AKR1C3: variants seen among roughly 807,000 people sequenced by gnomAD.
The protein encoded by AKR1C3 is aldo-keto reductase family 1 member C3, also known as 3-alpha hydroxysteroid dehydrogenase, type II.
A neutral mutation model predicts 43.6 loss-of-function variants in AKR1C3; 48 were observed. The observed-to-expected ratio is 1.10, with a 90% CI of 0.87 to 1.40. The LOEUF is 1.40. Among genes scored for constraint, AKR1C3 ranks in the 40% most tolerant of loss-of-function variants. AKR1C3 has a pLI of 0.00. For synonymous variants in AKR1C3, 162 were observed against 139.6 expected, an observed-to-expected ratio of 1.16 and a Z score of -1.13; for missense variants, 482 against 391.2, an observed-to-expected ratio of 1.23 and a Z score of -1.96.
chr10:5,055,051 A>G (rs1838231645), intron 1 of AKR1C3, among the ~76,000 whole-genome samples: 1 of 152,246 alleles, frequency 6.6e-6, no homozygotes, highest in Non-Finnish European at 1.5e-5. Context: ...CTATCTGTAT[A>G]CACATTTATT....
chr10:5,103,845 C>A (rs1413488322), intron 7 of AKR1C3, among the ~76,000 whole-genome samples: 1 of 152,068 alleles, frequency 6.6e-6, no homozygotes, highest in Non-Finnish European at 1.5e-5. Flanking sequence ...TATAACCAAG[C>A]AAGTGGATAC....
chr10:5,065,462 G>T (rs1554780701), intron 1 of AKR1C3, among the ~76,000 whole-genome samples: 1 of 152,164 alleles, frequency 6.6e-6, no homozygotes, highest in Non-Finnish European at 1.5e-5. Flanking sequence ...TGGTACTTAG[G>T]AGTTGATTGT....
At chr10:5,065,297 G>A (rs1478345381) in intron 1 of AKR1C3, among the ~76,000 whole-genome samples, 9 of 152,152 alleles carry the variant, frequency 5.9e-5, no homozygotes, top group East Asian at 1.9e-4. Flanking sequence ...ATAAAGACAC[G>A]TGCATGCATA....
chr10:5,083,198 A>G (rs1300888560), intron 1 of AKR1C3, among the ~76,000 whole-genome samples: 1 of 151,856 alleles, frequency 6.6e-6, no homozygotes, highest in Admixed American at 6.6e-5. Flanking sequence ...TTAGCATTAG[A>G]TATATCTCCT....
chr10:5,093,892 T>C (rs1469379287), upstream of AKR1C3: 1 of 152,160 alleles, frequency 6.6e-6, no homozygotes, highest in East Asian at 1.9e-4. Context: ...AATTTTCTGA[T>C]TGAAAATGTA....
intron 1 of AKR1C3, among the ~76,000 whole-genome samples, chr10:5,067,136 G>A (rs1231677526): frequency 1.3e-5 from 2 of 152,130 alleles, no homozygotes; most frequent in Non-Finnish European, 2.9e-5. Flanking sequence ...ATCTAACAAA[G>A]TATAAGTTTA....
intron 8 of AKR1C3, 46 bp from the exon 9 acceptor site, chr10:5,107,414 TA>T (rs782107474): frequency 1.5e-6 from 2 of 1,318,526 alleles, no homozygotes; most frequent in Admixed American, 3.5e-5. Context: ...ACTACTCCCC[TA>T]GTAATGGAGT....
At chr10:5,057,529 G>A (rs916343811) in intron 1 of AKR1C3, among the ~76,000 whole-genome samples, 1 of 152,192 alleles carries the variant, frequency 6.6e-6, no homozygotes, top group Admixed American at 6.5e-5. Context: ...TGGGTGACGG[G>A]AGTATAATTT....
chr10:5,077,111 C>T lies in AKR1C3; in HGVS notation c.85-19299C>T, dbSNP rs185124463. Among the ~76,000 whole-genome samples, 9 of 151,620 alleles carry T rather than the reference C, an allele frequency of 5.9e-5. No homozygotes were observed. In the East Asian group the frequency reaches 1.7e-3, roughly 29 times the overall value. Reference sequence around the variant, plus strand: ...ATAATCTTTTTTTTTCACTAAAGAACATTCGTGGTGGTTTAGTGATGAGGT... The same window carrying T: ...ATAATCTTTTTTTTTCACTAAAGAATATTCGTGGTGGTTTAGTGATGAGGT... On this transcript the variant is annotated intron_variant, in intron 1 of 8. Transcript: ENST00000439082.
At chr10:5,048,949 T>C in intron 1 of AKR1C3, 1 of 1,463,946 alleles carries the variant, frequency 6.8e-7, no homozygotes, top group South Asian at 1.1e-5. Flanking sequence ...CCAGAATAAG[T>C]GGAAGCTGAC....
At chr10:5,082,691 G>A (rs782723629) in intron 1 of AKR1C3, among the ~76,000 whole-genome samples, 1 of 152,150 alleles carries the variant, frequency 6.6e-6, no homozygotes, top group Non-Finnish European at 1.5e-5. Context: ...ATTGGATTTA[G>A]TTTGCTAGTA....
Position 5,101,440 on chromosome 10 carries a change from TGAA to T in AKR1C3, c.571-657_571-655del, listed in dbSNP as rs545877731. 2.3e-4 allele frequency among the ~76,000 whole-genome samples: 34 copies of T among 147,788 alleles called. No homozygotes were observed. The East Asian group carries it at 6.7e-3, about 29-fold the overall frequency. On this transcript the variant is annotated intron_variant, in intron 5 of 8. Transcript: ENST00000380554. Reference sequence around the variant, plus strand: ...AAAAAAATCCTTCACCAAATCAAAATGAAGAACAAATATTCCTCAAAGACAAAG... The same window carrying T: ...AAAAAAATCCTTCACCAAATCAAAATGAACAAATATTCCTCAAAGACAAAG...
chr10:5,097,572 A>T (rs1369512399), intron 3 of AKR1C3, 22 bp downstream of exon 3: 10 of 1,612,870 alleles, frequency 6.2e-6, no homozygotes, highest in Non-Finnish European at 8.5e-6. Flanking sequence ...GTATGAGCAT[A>T]AAATTGCGCT....
chr10:5,052,592 G>A (rs1470895127), intron 1 of AKR1C3, among the ~76,000 whole-genome samples: 1 of 150,798 alleles, frequency 6.6e-6, no homozygotes, highest in Middle Eastern at 3.6e-3. Flanking sequence ...CTAGAGTGTC[G>A]ATTGGTACAT....
intron 1 of AKR1C3, among the ~76,000 whole-genome samples, chr10:5,095,870 A>C (rs529965760): frequency 6.7e-6 from 1 of 149,220 alleles, no homozygotes; most frequent in East Asian, 1.9e-4. Context: ...ATAGACTACT[A>C]TTCACAGATG....
upstream of AKR1C3, among the ~76,000 whole-genome samples, chr10:5,090,778 A>G (rs1839072036): frequency 1.3e-5 from 2 of 152,134 alleles, no homozygotes; most frequent in Non-Finnish European, 2.9e-5. Flanking sequence ...AGGCCCCTAC[A>G]TGGTAATGGA....
chr10:5,101,381 T>TGAAA (rs1554785954), intron 5 of AKR1C3, among the ~76,000 whole-genome samples: 2 of 152,204 alleles, frequency 1.3e-5, no homozygotes, highest in African/African-American at 4.8e-5. Context: ...TTTAAAACCT[T>TGAAA]ATTTAACTAT....
At chr10:5,092,858 C>G (rs1161025654), upstream of AKR1C3, among the ~76,000 whole-genome samples, 26 of 151,962 alleles carry the variant, frequency 1.7e-4, no homozygotes, top group African/African-American at 6.0e-4. Flanking sequence ...TTTCCTGTTT[C>G]TTTATATACC....
Position 5,071,360 on chromosome 10 carries a change from A to G in AKR1C3, c.84+22465A>G, listed in dbSNP as rs141219466. On this transcript the variant is annotated intron_variant, in intron 1 of 8. Coordinates refer to the AKR1C3 transcript ENST00000439082. ...CTCCCTGCTCTCATGGGCTCTGTCT[A>G]TTCCCTCTCTACATAATGAGAGTAA... 7.9e-5 allele frequency among the ~76,000 whole-genome samples: 12 copies of G among 152,300 alleles called. No homozygotes were observed. In the East Asian group the frequency reaches 1.5e-3, roughly 20 times the overall value.
Sources: allele counts gnomAD v4.1 joint callset (sites outside exome capture counted in the v4.1 genomes callset), GRCh38; gene constraint gnomAD v4.1.1; transcripts MANE v1.5; gene names NCBI Gene and HGNC (gene_info 2026-07-23, HGNC 2026-07-21).